CFAP61: variants seen among roughly 807,000 people sequenced by gnomAD.
CFAP61 encodes cilia and flagella associated protein 61.
In CFAP61, 107 loss-of-function variants were observed where a neutral mutation model predicts 135.6. That is an observed-to-expected ratio of 0.79 (90% CI 0.67 to 0.93). The LOEUF is 0.93. Ranked by LOEUF, CFAP61 falls within the 40% of genes least tolerant of loss-of-function variation. CFAP61 has a pLI of 0.00. For missense variants in CFAP61, 1,507 were observed against 1,556.2 expected (o/e 0.97, Z 0.53); for synonymous variants, 575 against 578.5 (o/e 0.99, Z 0.09).
At chr20:20,196,102 T>G (rs931526102) in intron 15 of CFAP61, among the ~76,000 whole-genome samples, 1 of 152,118 alleles carries the variant, frequency 6.6e-6, no homozygotes, top group Non-Finnish European at 1.5e-5. Flanking sequence ...CAAAACAAAG[T>G]GTGTAACTTG....
At chr20:20,333,961 G>A (rs1399138751) in intron 25 of CFAP61, among the ~76,000 whole-genome samples, 2 of 152,084 alleles carry the variant, frequency 1.3e-5, no homozygotes, top group African/African-American at 2.4e-5. Flanking sequence ...AGCTCTGGGT[G>A]TTCAGCTCAC....
At chr20:20,175,512 T>A (rs2054557700) in intron 13 of CFAP61, among the ~76,000 whole-genome samples, 2 of 6,148 alleles carry the variant, frequency 3.3e-4, no homozygotes, top group Admixed American at 1.5e-3. Context: ...TTGTTTTGTT[T>A]TGTTTTGTTT....
chr20:20,169,374 C>T lies in CFAP61; in HGVS notation c.1299C>T (p.Leu433=), dbSNP rs963454233. Residue 433 remains leucine, a synonymous_variant, in exon 13 of 27, where the codon CTC becomes CTT. Coordinates refer to ENST00000245957, the MANE Select transcript of CFAP61 (RefSeq NM_015585.4). ...CCCATCTCACCCCCGAGTTCTTCCT[C>T]ATCCAGAACTTCGTGAAAATGGTCC... ...SLPHLTPEFF[L]IQNFVKMVPF... is the part of the protein sequence containing the mutation. 2.2e-5 allele frequency: 36 copies of T among 1,613,776 alleles called. No homozygotes were observed. Among genetic ancestry groups the T allele is most frequent in the Non-Finnish European group, 3.1e-5 (36 of 1,179,910 alleles).
chr20:20,346,290 G>A (rs1302800765), intron 26 of CFAP61, among the ~76,000 whole-genome samples: 2 of 149,956 alleles, frequency 1.3e-5, no homozygotes, highest in Non-Finnish European at 1.5e-5. Flanking sequence ...GCCGAGGCAG[G>A]TGGATCGCCC....
At chr20:20,057,803 C>T (rs1226781448) in intron 2 of CFAP61, among the ~76,000 whole-genome samples, 6 of 152,080 alleles carry the variant, frequency 3.9e-5, no homozygotes, top group South Asian at 2.1e-4. Context: ...CTGCAATCTC[C>T]GCCTCCTGGG....
chr20:20,158,106 G>C (rs1352757256), intron 9 of CFAP61, among the ~76,000 whole-genome samples: 1 of 148,146 alleles, frequency 6.8e-6, no homozygotes, highest in African/African-American at 2.5e-5. Context: ...TGGGGGGAGG[G>C]GGGAGGGATA....
At chr20:20,056,897 C>T in intron 2 of CFAP61, 101 bp downstream of exon 2, 1 of 1,032,072 alleles carries the variant, frequency 9.7e-7, no homozygotes, top group Non-Finnish European at 1.5e-6. Flanking sequence ...GCAGGCAGAT[C>T]ACCTGAGGCC....
chr20:20,159,417 C>A lies in CFAP61; in HGVS notation c.999C>A (p.Val333=). Residue 333 remains valine, a synonymous_variant, in exon 10 of 27, where the codon GTC becomes GTA. Coordinates refer to ENST00000245957, the MANE Select transcript of CFAP61 (RefSeq NM_015585.4). ...CATCCGAGGAAGCTTTAACAGCAGTCCAAAGTGGAAATGTTAGTGAACCGG... is the reference window on the plus strand; with the variant it reads ...CATCCGAGGAAGCTTTAACAGCAGTACAAAGTGGAAATGTTAGTGAACCGG... ...EAASEEALTA[V]QSGNVSEPED... The A allele has an allele frequency of 1.2e-6, 2 of 1,613,932 alleles. No individual in the cohort carries two copies. Among genetic ancestry groups the A allele is most frequent in the East Asian group, 2.2e-5 (1 of 44,874 alleles).
At position 20,246,202 on chromosome 20, in the gene CFAP61, T is replaced by C. The variant is rs1409689998; in HGVS notation, c.2146T>C (p.Phe716Leu). 2.2e-5 allele frequency: 36 copies of C among 1,609,550 alleles called. No individual in the cohort carries two copies. Among genetic ancestry groups the C allele is most frequent in the Non-Finnish European group, 3.0e-5 (35 of 1,175,870 alleles). The change falls in exon 19 of 27, where the codon TTT becomes CTT. Residue 716 changes from phenylalanine to leucine, a missense_variant. Physicochemically the swap from Phe to Leu is conservative, Grantham distance 22 (BLOSUM62 0). Coordinates refer to ENST00000245957, the MANE Select transcript of CFAP61 (RefSeq NM_015585.4). ...ACTTCTGGACACTGAACAAAGGAAA[T>C]TTTTAGCCAGCGAGTATGAATTGTA... Reference protein sequence around the residue: ...KKLLDTEQRKFLASDHCFNDK... With the variant: ...KKLLDTEQRKLLASDHCFNDK...
intron 10 of CFAP61, 104 bp downstream of exon 10, chr20:20,159,548 C>A: frequency 1.0e-6 from 1 of 955,256 alleles, no homozygotes; most frequent in Non-Finnish European, 1.7e-6. Flanking sequence ...AATCTCCCTG[C>A]CTGTCTCCAC....
intron 1 of CFAP61, chr20:20,056,111 G>C: frequency 1.2e-6 from 1 of 856,522 alleles, no homozygotes; most frequent in South Asian, 1.6e-5. Flanking sequence ...TAATGGGCCT[G>C]GTGGCCCTTC....
chr20:20,127,190 A>G (rs2050135901), intron 8 of CFAP61, among the ~76,000 whole-genome samples: 1 of 151,710 alleles, frequency 6.6e-6, no homozygotes, highest in Non-Finnish European at 1.5e-5. Flanking sequence ...GATAAGCTTA[A>G]TAACTAACCT....
intron 1 of CFAP61, among the ~76,000 whole-genome samples, chr20:20,053,356 C>T (rs1027661580): frequency 1.3e-5 from 2 of 152,332 alleles, no homozygotes; most frequent in South Asian, 4.2e-4. Context: ...CCTCCTCTAA[C>T]AGCCTCCAAC....
At chr20:20,055,125 A>G (rs990678682) in intron 1 of CFAP61, among the ~76,000 whole-genome samples, 1 of 152,108 alleles carries the variant, frequency 6.6e-6, no homozygotes, top group Non-Finnish European at 1.5e-5. Flanking sequence ...ATAACCACGT[A>G]TTTCATTTTT....
At position 20,359,203 on chromosome 20, in the gene CFAP61, G is replaced by A. The variant is rs956621859; in HGVS notation, c.3514-1007G>A. ...AGCTTCAAACAACTTTATTCTTTCT[G>A]AGCCCTACCTTTTTAAATATATCAA... On this transcript the variant is annotated intron_variant, in intron 26 of 26. Transcript: ENST00000245957. The surrounding 1 kb of genome is among the most constrained non-coding windows in gnomAD (Gnocchi z 4.0). Among the ~76,000 whole-genome samples the A allele has an allele frequency of 1.3e-5, 2 of 152,094 alleles. No individual in the cohort carries two copies. The highest frequency in any genetic ancestry group is 2.4e-5 in the African/African-American group (1 of 41,400).
At chr20:20,284,772 A>G (rs1254320011) in intron 22 of CFAP61, among the ~76,000 whole-genome samples, 1 of 152,222 alleles carries the variant, frequency 6.6e-6, no homozygotes, top group African/African-American at 2.4e-5. Flanking sequence ...GCCATCCTAT[A>G]TCTTACATCT....
intron 18 of CFAP61, among the ~76,000 whole-genome samples, chr20:20,241,177 T>C (rs1357855342): frequency 1.3e-5 from 2 of 152,144 alleles, no homozygotes; most frequent in Non-Finnish European, 2.9e-5. Flanking sequence ...GGAAGAACGC[T>C]CTAGACATGG....
chr20:20,298,086 G>A (rs1036273861), intron 24 of CFAP61, 95 bp from the exon 25 acceptor site: 2 of 809,878 alleles, frequency 2.5e-6, no homozygotes, highest in African/African-American at 3.4e-5. Flanking sequence ...GATATAACCT[G>A]TCTGTTATAT....
Position 20,099,127 on chromosome 20 carries a change from T to TCACACACACACA in CFAP61, c.859+330_859+341dup, listed in dbSNP as rs11087302. Among the ~76,000 whole-genome samples the TCACACACACACA allele has an allele frequency of 6.4e-4, 95 of 149,472 alleles. 1 individual carries two copies. The highest frequency in any genetic ancestry group is 4.0e-3 in the East Asian group (20 of 4,986). ...GAAATAATTACTGGTGTTTCAGGTT[T>TCACACACACACA]CACACACACACACACACACACACAC... On this transcript the variant is annotated intron_variant, in intron 8 of 26. Coordinates refer to ENST00000245957, the MANE Select transcript of CFAP61 (RefSeq NM_015585.4).
Sources: allele counts gnomAD v4.1 joint callset (sites outside exome capture counted in the v4.1 genomes callset), GRCh38; gene constraint gnomAD v4.1.1; non-coding constraint Gnocchi (gnomAD v3.1); transcripts MANE v1.5; gene names NCBI Gene and HGNC (gene_info 2026-07-23, HGNC 2026-07-21).